The following CRAT variants were observed in gnomAD, a reference collection of about 807,000 sequenced individuals.
CRAT encodes the protein carnitine O-acetyltransferase.
In CRAT, 66 loss-of-function variants were observed where a neutral mutation model predicts 73.7. That is an observed-to-expected ratio of 0.90 (90% confidence interval 0.73 to 1.10). CRAT has a LOEUF of 1.10. Among genes scored for constraint, CRAT ranks in the 50% least tolerant of loss-of-function variants. The pLI is 0.00. For missense variants in CRAT, 745 were observed against 846.9 expected (o/e 0.88, Z 1.49); for synonymous variants, 321 against 343.2 (o/e 0.94, Z 0.71).
intron 1 of CRAT, chr9:129,109,189 C>G (rs1027921270): frequency 6.9e-6 from 9 of 1,304,242 alleles, no homozygotes; most frequent in Non-Finnish European, 9.1e-6. Flanking sequence ...CTGTCAGAAT[C>G]TGCGAAGATC....
chr9:129,109,368 C>T, intron 1 of CRAT: 2 of 1,016,166 alleles, frequency 2.0e-6, no homozygotes, highest in Non-Finnish European at 2.7e-6. Flanking sequence ...TCCTGTTTCT[C>T]TCCAGGACTC....
At chr9:129,104,838 T>C (rs1359160429) in intron 2 of CRAT, among the ~76,000 whole-genome samples, 1 of 150,206 alleles carries the variant, frequency 6.7e-6, no homozygotes, top group Non-Finnish European at 1.5e-5. Context: ...TTTCCTGACC[T>C]CATGATCCGC....
intron 5 of CRAT, 138 bp from the exon 6 acceptor site, chr9:129,102,195 G>T: frequency 1.7e-6 from 2 of 1,187,012 alleles, no homozygotes; most frequent in Non-Finnish European, 2.3e-6. Context: ...AGGGGGAGGA[G>T]GTCCTTGGAT....
chr9:129,098,462 A>G (rs1262771991), intron 9 of CRAT, 69 bp downstream of exon 9: 3 of 1,589,610 alleles, frequency 1.9e-6, no homozygotes, highest in Non-Finnish European at 2.6e-6. Context: ...GAGCTGGCAC[A>G]GGAGCCTCTC....
intron 6 of CRAT, among the ~76,000 whole-genome samples, 183 bp downstream of exon 6, chr9:129,101,699 GC>G (rs147053529): frequency 0.014 from 2,148 of 152,328 alleles, 47 homozygotes; most frequent in African/African-American, 0.048. Flanking sequence ...CCAGAACTCT[GC>G]GCCTTTTGCA....
At position 129,100,322 on chromosome 9, in the gene CRAT, G is replaced by A. The variant is rs1055054735; in HGVS notation, c.984+189C>T. ...TGCTGGGGGTGACAGCGGTTTCCAG[G>A]CCAGAGGCAGGACTGGTGATGACAG... On this transcript the variant is annotated intron_variant, in intron 7 of 13. Coordinates refer to ENST00000318080, the MANE Select transcript of CRAT (RefSeq NM_000755.5). The A allele has an allele frequency of 7.1e-6, 5 of 704,490 alleles. No individual in the cohort carries two copies. The African/African-American group carries it at 7.2e-5, about 10-fold the overall frequency. The allele number at this position is 704,490 out of a possible 1,614,324, so 43.6% of individuals were successfully genotyped here.
At chr9:129,096,194 C>T in intron 12 of CRAT, 59 bp from the exon 13 acceptor site, 1 of 1,599,124 alleles carries the variant, frequency 6.3e-7, no homozygotes, top group East Asian at 2.2e-5. Context: ...GTATCCCTGC[C>T]CTCTTCAGCC....
intron 11 of CRAT, among the ~76,000 whole-genome samples, chr9:129,097,578 A>G (rs767275316): frequency 2.0e-5 from 3 of 151,778 alleles, no homozygotes; most frequent in Non-Finnish European, 2.9e-5. Flanking sequence ...GCATGGTGGC[A>G]GGCACCTGTA....
At position 129,098,266 on chromosome 9, in the gene CRAT, C is replaced by G. The variant is rs750039829; in HGVS notation, c.1311G>C (p.Leu437Phe). 1 of 1,613,960 alleles carries G rather than the reference C, an allele frequency of 6.2e-7. No individual in the cohort carries two copies. The highest frequency in any genetic ancestry group is 8.5e-7 in the Non-Finnish European group (1 of 1,180,034). ...AGGCGCACCTGTAGTAGGCCAGCTG[C>G]AAAGCCATCTGGATGAAGGCATCTG... Reference protein sequence around the residue: ...LSPDAFIQMALQLAYYRIYGQ... With the variant: ...LSPDAFIQMAFQLAYYRIYGQ... Residue 437 changes from leucine (L) to phenylalanine (F), a missense_variant, in exon 10 of 14, where the codon TTG becomes TTC. Coordinates refer to ENST00000318080, the MANE Select transcript of CRAT (RefSeq NM_000755.5).
chr9:129,096,347 G>T (rs781483412), intron 12 of CRAT, among the ~76,000 whole-genome samples: 1 of 152,270 alleles, frequency 6.6e-6, no homozygotes, highest in Non-Finnish European at 1.5e-5. Context: ...GCAGGAAAGT[G>T]CAGGGTTGTA....
At position 129,098,563 on chromosome 9, in the gene CRAT, G is replaced by C. The variant is rs759131704; in HGVS notation, c.1173C>G (p.Ser391Arg). ...LRFNITPEIKSDIEKAKQNLS... is the reference protein window; with the variant it reads ...LRFNITPEIKRDIEKAKQNLS... ...GGTTCTGCTTGGCCTTCTCGATGTC[G>C]CTCTTGATCTCGGGGGTGATGTTGA... Residue 391 changes from serine (S) to arginine (R), a missense_variant, in exon 9 of 14, where the codon AGC becomes AGG. Ser to Arg is a moderately radical substitution (Grantham distance 110). Coordinates refer to ENST00000318080, the MANE Select transcript of CRAT (RefSeq NM_000755.5). 1.9e-6 allele frequency: 3 copies of C among 1,605,590 alleles called. No homozygotes were observed. The highest frequency in any genetic ancestry group is 2.5e-6 in the Non-Finnish European group (3 of 1,177,696).
At position 129,099,850 on chromosome 9, in the gene CRAT, A is replaced by G. The variant is rs773884063; in HGVS notation, c.1085+16T>C. On this transcript the variant is annotated intron_variant, in intron 8 of 13. Transcript: ENST00000318080. ...TAGAAGCTGGGGAACTAGGCGAGAG[A>G]TGTGACTGTACTCACGTGTACTCGA... 2.5e-6 allele frequency: 4 copies of G among 1,592,774 alleles called. No individual in the cohort carries two copies. Among genetic ancestry groups the G allele is most frequent in the Non-Finnish European group, 3.4e-6 (4 of 1,162,462 alleles).
At position 129,099,905 on chromosome 9, in the gene CRAT, G is replaced by A. The variant is rs937348715; in HGVS notation, c.1046C>T (p.Pro349Leu). The change falls in exon 8 of 14, where the codon CCC becomes CTC. Residue 349 changes from proline (P) to leucine (L), a missense_variant. Coordinates refer to ENST00000318080, the MANE Select transcript of CRAT (RefSeq NM_000755.5). ...ATAGTCCAGAAGGGTGACAATAGGG[G>A]GCCCCTCCGCTGCAGCATGCTCGTA... Reference protein sequence around the residue: ...LVYEHAAAEGPPIVTLLDYVI... With the variant: ...LVYEHAAAEGLPIVTLLDYVI... The A allele has an allele frequency of 1.9e-5, 31 of 1,613,652 alleles. No homozygotes were observed. The highest frequency in any genetic ancestry group is 2.6e-5 in the Non-Finnish European group (31 of 1,179,982).
Position 129,098,598 on chromosome 9 carries a change from T to C in CRAT, c.1138A>G (p.Lys380Glu), listed in dbSNP as rs149214173. 7.5e-6 allele frequency: 12 copies of C among 1,598,318 alleles called. No individual in the cohort carries two copies. In the Admixed American group the frequency reaches 1.1e-4, roughly 15 times the overall value. The stretch of plus-strand genomic sequence containing the variant: ...TCGGGGGTGATGTTGAACCGCAGCT[T>C]CTTGGGCATGGGCAGGGGCACCAGG... The part of the protein sequence containing the change: ...SPLVPLPMPK[K>E]LRFNITPEIK... Residue 380 changes from lysine to glutamate, a missense_variant, in exon 9 of 14, where the codon AAG becomes GAG. Lys to Glu is a moderately conservative substitution (Grantham distance 56). Coordinates refer to ENST00000318080, the MANE Select transcript of CRAT (RefSeq NM_000755.5).
chr9:129,108,808 C>T, intron 1 of CRAT: 1 of 1,304,310 alleles, frequency 7.7e-7, no homozygotes, highest in Non-Finnish European at 1.0e-6. Context: ...GACTGAGGTT[C>T]TGGGCCCTGT....
At position 129,098,163 on chromosome 9, in the gene CRAT, G is replaced by A; in HGVS notation, c.1329-15C>T. The stretch of plus-strand genomic sequence containing the variant: ...GTCCGTAGATCCTGGTGGGAAATGG[G>A]GCTAAGCACGCCCCTTGGAGGCGGG... On this transcript the variant is annotated splice_polypyrimidine_tract_variant and intron_variant, in intron 10 of 13. Coordinates refer to ENST00000318080, the MANE Select transcript of CRAT (RefSeq NM_000755.5). The A allele has an allele frequency of 6.2e-7, 1 of 1,613,600 alleles. No individual in the cohort carries two copies. Among genetic ancestry groups the A allele is most frequent in the South Asian group, 1.1e-5 (1 of 91,086 alleles).
Position 129,095,318 on chromosome 9 carries a change from C to A in CRAT, c.*79G>T. The A allele has an allele frequency of 6.8e-7, 1 of 1,460,558 alleles. No homozygotes were observed. The highest frequency in any genetic ancestry group is 2.3e-5 in the East Asian group (1 of 43,970). The allele number at this position is 1,460,558 out of a possible 1,614,324, so 90.5% of individuals were successfully genotyped here. A position where few individuals can be genotyped will look rare whatever the true frequency, so the allele number is the denominator to read the frequency against. On this transcript the variant is annotated 3_prime_UTR_variant, in exon 14 of 14. Transcript: ENST00000318080. ...GAAGAGGGAACCAAGGAAGAGGGAACCAAGGAGCTGAGCCCTGGTGGGTGG... is the reference window on the plus strand; with the variant it reads ...GAAGAGGGAACCAAGGAAGAGGGAAACAAGGAGCTGAGCCCTGGTGGGTGG...
At chr9:129,097,559 A>T (rs1431671429) in intron 11 of CRAT, among the ~76,000 whole-genome samples, 1 of 151,976 alleles carries the variant, frequency 6.6e-6, no homozygotes, top group Non-Finnish European at 1.5e-5. Context: ...AAATACAAAA[A>T]TTAGCCGGGC....
rs1202121935 is a variant in CRAT, at chr9:129,095,124, G to A, written c.*273C>T. ...GGTTCCCTTCCCCAGAGGAGGCACCGGTGGAGGACGTGCCAGGGGCCCGGG... is the reference window on the plus strand; with the variant it reads ...GGTTCCCTTCCCCAGAGGAGGCACCAGTGGAGGACGTGCCAGGGGCCCGGG... On this transcript the variant is annotated 3_prime_UTR_variant, in exon 14 of 14. Coordinates refer to ENST00000318080, the MANE Select transcript of CRAT (RefSeq NM_000755.5). 1.6e-5 allele frequency: 8 copies of A among 514,144 alleles called. No individual in the cohort carries two copies. The highest frequency in any genetic ancestry group is 9.6e-5 in the South Asian group (4 of 41,878). The allele number at this position is 514,144 out of a possible 1,614,324, so 31.8% of individuals were successfully genotyped here. A position where few individuals can be genotyped will look rare whatever the true frequency, so the allele number is the denominator to read the frequency against.
Sources: gnomAD v4.1 joint callset for allele counts (sites outside exome capture counted in the v4.1 genomes callset) on GRCh38, gnomAD v4.1.1 for gene constraint, MANE v1.5 for transcripts, NCBI Gene and HGNC (gene_info 2026-07-23, HGNC 2026-07-21) for gene names.